Variants in FAAH2 observed in about 807,000 individuals in gnomAD.
FAAH2 encodes the protein fatty-acid amide hydrolase 2.
In FAAH2, 60 loss-of-function variants were observed where a neutral mutation model predicts 36.9. That is an observed-to-expected ratio of 1.63 (90% CI 1.32 to 2.02). The LOEUF is 2.02. FAAH2 is among the 30% of genes most tolerant of loss of function. The probability of loss-of-function intolerance (pLI) is 0.00; values close to 1 mark genes in which losing one functional copy is unlikely to be tolerated. For missense variants in FAAH2, 689 were observed against 397.5 expected (o/e 1.73, Z -6.23); for synonymous variants, 214 against 143.8 (o/e 1.49, Z -3.49).
At chrX:57,227,636 A>G in the FAAH2 span, among the ~76,000 whole-genome samples, 2 of 111,484 alleles carry the variant, frequency 1.8e-5, no homozygotes, top group African/African-American at 6.5e-5. Context: ...TCCTACCAGG[A>G]GGTGGCACTT....
chrX:57,216,146 A>T, the FAAH2 span, among the ~76,000 whole-genome samples: 4 of 107,475 alleles, frequency 3.7e-5, no homozygotes, highest in African/African-American at 1.0e-4. Context: ...TCTGTAAGTT[A>T]TTGGGGTACA....
At position 57,380,823 on chromosome X, in the gene FAAH2, C is replaced by T. The variant is rs768851600; in HGVS notation, c.879-89C>T. 15 of 542,368 alleles carry T rather than the reference C, an allele frequency of 2.8e-5. No homozygotes were observed. The South Asian group carries it at 6.0e-4, about 22-fold the overall frequency. 44.7% of individuals were successfully genotyped at this position (542,368 alleles called of 1,213,427 possible). On this transcript the variant is annotated intron_variant, in intron 6 of 10. Transcript: ENST00000374900. ...ACAGTGCTCAGGGAAAAAAATACTT[C>T]ATTAGAGCTGAAGCTCAGATGTCAG...
intron 10 of FAAH2, among the ~76,000 whole-genome samples, chrX:57,457,497 G>GA (rs57364080): frequency 0.37 from 40,179 of 108,254 alleles, 6,470 homozygotes; most frequent in Middle Eastern, 0.63. Context: ...TAAAAAGAGA[G>GA]AAAATCAAAC....
In FAAH2 at chrX:57,357,112, G is replaced by A. The variant is rs568929716; in HGVS notation, c.742+15722G>A. 5.5e-4 allele frequency among the ~76,000 whole-genome samples: 61 copies of A among 111,322 alleles called. No individual in the cohort carries two copies. In the South Asian group the frequency reaches 0.02, roughly 36 times the overall value. On this transcript the variant is annotated intron_variant, in intron 5 of 10. Transcript: ENST00000374900. The stretch of plus-strand genomic sequence containing the variant: ...GATTTCCTATTTAATAAATGGTGCT[G>A]GTAAAACCGGCTAGCCATATGCAGA...
chrX:57,256,273 G>A, the FAAH2 span, among the ~76,000 whole-genome samples: 2 of 111,585 alleles, frequency 1.8e-5, no homozygotes, highest in Admixed American at 9.5e-5. Flanking sequence ...AATAAGAGAG[G>A]ACACAAACAA....
chrX:57,478,802 A>G (rs2057321462), intron 10 of FAAH2, among the ~76,000 whole-genome samples: 1 of 111,426 alleles, frequency 9.0e-6, no homozygotes, highest in Non-Finnish European at 1.9e-5. Flanking sequence ...AGTGGTAGAT[A>G]TGTGGCATTA....
chrX:57,160,450 G>C, the FAAH2 span, among the ~76,000 whole-genome samples: 3 of 111,762 alleles, frequency 2.7e-5, no homozygotes, highest in East Asian at 8.4e-4. Context: ...GTAGAATTTG[G>C]CTGTGAATCT....
At position 57,478,630 on chromosome X, in the gene FAAH2, T is replaced by G. The variant is rs774798883; in HGVS notation, c.1424-10127T>G. Among the ~76,000 whole-genome samples, 319 of 111,963 alleles carry G rather than the reference T, an allele frequency of 2.8e-3. 3 individuals are homozygous for G. The highest frequency in any genetic ancestry group is 9.9e-3 in the African/African-American group (305 of 30,831). The stretch of plus-strand genomic sequence containing the variant: ...GTTTTTATGGTTTTAGGTGTAACGT[T>G]TAAGTCTTTAATCCATCTTGAATTA... On this transcript the variant is annotated intron_variant, in intron 10 of 10. Transcript: ENST00000374900.
chrX:57,208,583 G>A, the FAAH2 span, among the ~76,000 whole-genome samples: 2 of 111,818 alleles, frequency 1.8e-5, no homozygotes, highest in East Asian at 5.7e-4. Context: ...TAACTCAGCA[G>A]CGCTAGAGGA....
At position 57,393,088 on chromosome X, in the gene FAAH2, A is replaced by G. The variant is rs998213303; in HGVS notation, c.996+12059A>G. The G allele has an allele frequency of 3.2e-6, 3 of 926,873 alleles. No individual in the cohort carries two copies. In the African/African-American group the frequency reaches 5.8e-5, roughly 18 times the overall value. 76.4% of individuals were successfully genotyped at this position (926,873 alleles called of 1,213,427 possible). A position where few individuals can be genotyped will look rare whatever the true frequency, so the allele number is the denominator to read the frequency against. ...GTACCCTTGCCCCCTTCTGCCAGTG[A>G]GTGCACTTCACGGCATCAAAAGCCC... On this transcript the variant is annotated intron_variant, in intron 7 of 10. Transcript: ENST00000374900.
the FAAH2 span, among the ~76,000 whole-genome samples, chrX:57,202,670 C>A: frequency 8.9e-6 from 1 of 111,805 alleles, no homozygotes; most frequent in African/African-American, 3.3e-5. Context: ...GGCCCACAGG[C>A]TCTACAGTCA....
At chrX:57,370,243 A>T (rs1007102239) in intron 5 of FAAH2, among the ~76,000 whole-genome samples, 1 of 111,888 alleles carries the variant, frequency 8.9e-6, no homozygotes, top group African/African-American at 3.2e-5. Flanking sequence ...AAATTCTACA[A>T]TTGAAACATA....
upstream of FAAH2, among the ~76,000 whole-genome samples, chrX:57,285,558 C>A (rs771280948): frequency 8.1e-5 from 9 of 111,518 alleles, no homozygotes; most frequent in Non-Finnish European, 1.5e-4. Context: ...GGCATCACAC[C>A]CAGTTGTAAG....
intron 5 of FAAH2, among the ~76,000 whole-genome samples, chrX:57,347,477 C>A (rs946005227): frequency 9.0e-6 from 1 of 110,608 alleles, no homozygotes; most frequent in Non-Finnish European, 1.9e-5. Flanking sequence ...TTAATGGATT[C>A]CCTGGATTCC....
chrX:57,387,563 C>G (rs2055056856), intron 7 of FAAH2, among the ~76,000 whole-genome samples: 1 of 111,203 alleles, frequency 9.0e-6, no homozygotes, highest in South Asian at 3.7e-4. Context: ...AGAAAAATTA[C>G]AGAACTTTAC....
the FAAH2 span, among the ~76,000 whole-genome samples, chrX:57,123,683 A>G: frequency 1.8e-5 from 2 of 111,997 alleles, no homozygotes; most frequent in African/African-American, 6.5e-5. Flanking sequence ...TTACTTTTTA[A>G]TGATCGCCAT....
At chrX:57,317,335 A>T (rs1468896580) in intron 3 of FAAH2, among the ~76,000 whole-genome samples, 1 of 112,501 alleles carries the variant, frequency 8.9e-6, no homozygotes, top group Non-Finnish European at 1.9e-5. Context: ...TATCAAGCAA[A>T]TGTAAAGCGA....
At chrX:57,203,074 G>GAC in the FAAH2 span, among the ~76,000 whole-genome samples, 6 of 112,220 alleles carry the variant, frequency 5.3e-5, no homozygotes, top group Non-Finnish European at 1.1e-4. Context: ...AGGAATTAAA[G>GAC]ACACACACAC....
rs1285757639 is a variant in FAAH2 at position 57,413,509 on chromosome X, G to T, written c.997-18409G>T. Among the ~76,000 whole-genome samples, 3 of 111,641 alleles carry T rather than the reference G, an allele frequency of 2.7e-5. No individual in the cohort carries two copies. The East Asian group carries it at 8.4e-4, about 31-fold the overall frequency. ...TTTCCCCATTGCTTGTGTCAGGTTT[G>T]TCGAAGATCAGATGGTTGTAGATGT... On this transcript the variant is annotated intron_variant, in intron 7 of 10. Coordinates refer to ENST00000374900, the MANE Select transcript of FAAH2 (RefSeq NM_174912.4).
Sources: gnomAD v4.1 joint callset for allele counts (sites outside exome capture counted in the v4.1 genomes callset) on GRCh38, gnomAD v4.1.1 for gene constraint, MANE v1.5 for transcripts, NCBI Gene and HGNC (gene_info 2026-07-23, HGNC 2026-07-21) for gene names.